STK4: variants seen among roughly 807,000 people sequenced by gnomAD.
STK4 encodes serine/threonine kinase 4.
Under a neutral mutation model 64.9 loss-of-function variants are expected in STK4, and 30 were observed. The observed-to-expected ratio is 0.46, with a 90% CI of 0.35 to 0.63. STK4 has a LOEUF of 0.63. Ranked by LOEUF, STK4 falls within the 20% of genes least tolerant of loss-of-function variation. STK4 has a pLI of 0.01. For synonymous variants in STK4, 177 were observed against 199.0 expected (o/e 0.89, Z 0.93); for missense variants, 466 against 598.5 (o/e 0.78, Z 2.31).
chr20:44,991,393 C>T (rs968031471), intron 5 of STK4, among the ~76,000 whole-genome samples: 1 of 152,164 alleles, frequency 6.6e-6, no homozygotes. Context: ...GAATCTAGGT[C>T]AGAAAATATG....
At position 45,047,538 on chromosome 20, in the gene STK4, T is replaced by G. The variant is rs567035713; in HGVS notation, c.1305+22408T>G. Among the ~76,000 whole-genome samples the G allele has an allele frequency of 6.6e-5, 10 of 152,342 alleles. No individual in the cohort carries two copies. The South Asian group carries it at 2.1e-3, about 32-fold the overall frequency. On this transcript the variant is annotated intron_variant, in intron 10 of 10. Coordinates refer to ENST00000372806, the MANE Select transcript of STK4 (RefSeq NM_006282.5). ...CCCATTGTGCACTCTTTGGAAATCT[T>G]TTTAAATTTCTTCAGATTTTCTTTT... is the stretch of plus-strand genomic sequence containing the variant.
intron 10 of STK4, among the ~76,000 whole-genome samples, chr20:45,028,958 A>G (rs1481682338): frequency 6.6e-6 from 1 of 152,194 alleles, no homozygotes; most frequent in Non-Finnish European, 1.5e-5. Flanking sequence ...CACAGTGACC[A>G]GGTTAGCACA....
chr20:44,971,576 ACAT>A (rs1037529486), intron 1 of STK4, among the ~76,000 whole-genome samples: 4 of 152,054 alleles, frequency 2.6e-5, no homozygotes, highest in Non-Finnish European at 5.9e-5. Context: ...AGAGATAATT[ACAT>A]CATTTTAATT....
chr20:45,008,315 A>G (rs2067986659), intron 9 of STK4, among the ~76,000 whole-genome samples: 1 of 152,196 alleles, frequency 6.6e-6, no homozygotes, highest in African/African-American at 2.4e-5. Flanking sequence ...ATGGCCTCCC[A>G]AAGTGCTGGG....
intron 10 of STK4, among the ~76,000 whole-genome samples, chr20:45,069,325 C>T (rs559537284): frequency 5.3e-5 from 8 of 152,320 alleles, no homozygotes; most frequent in African/African-American, 1.9e-4. Flanking sequence ...GCAAAACCCA[C>T]CTTCAGTAGC....
At chr20:44,973,366 C>CAA (rs1168575388) in intron 2 of STK4, 1 of 152,036 alleles carries the variant, frequency 6.6e-6, no homozygotes, top group Non-Finnish European at 1.5e-5. Flanking sequence ...AATGACACAC[C>CAA]AGCTGTGCTG....
At chr20:45,056,278 C>T (rs1172192250) in intron 10 of STK4, among the ~76,000 whole-genome samples, 2 of 152,162 alleles carry the variant, frequency 1.3e-5, no homozygotes, top group Admixed American at 6.5e-5. Context: ...CATCAAGTTC[C>T]CTTATGCCCT....
intron 5 of STK4, 97 bp from the exon 6 acceptor site, chr20:44,994,993 T>G (rs1601225088): frequency 1.9e-5 from 12 of 635,506 alleles, no homozygotes; most frequent in South Asian, 5.2e-5. Flanking sequence ...TTCTCAGTAG[T>G]TTTTTTTTTT....
chr20:45,022,734 A>G (rs1600490857), intron 9 of STK4, among the ~76,000 whole-genome samples: 1 of 152,356 alleles, frequency 6.6e-6, no homozygotes, highest in South Asian at 2.1e-4. Context: ...TGGATATAAT[A>G]CATTTTAAAA....
At position 45,023,895 on chromosome 20, in the gene STK4, CT is replaced by C. The variant is rs752584355; in HGVS notation, c.1148-1055del. Among the ~76,000 whole-genome samples, 967 of 111,346 alleles carry C rather than the reference CT, an allele frequency of 8.7e-3. 2 individuals are homozygous for C. Among genetic ancestry groups the C allele is most frequent in the African/African-American group, 0.021 (570 of 26,860 alleles). 73.0% of individuals were successfully genotyped at this position (111,346 alleles called of 152,430 possible). On this transcript the variant is annotated intron_variant, in intron 9 of 10. Coordinates refer to ENST00000372806, the MANE Select transcript of STK4 (RefSeq NM_006282.5). ...TTTTATACCTGTTCAATACTAACTT[CT>C]TTTTTTTTTTTTTTTTTTTTTTGAG...
chr20:44,997,697 G>A (rs1395529412), intron 7 of STK4, among the ~76,000 whole-genome samples: 7 of 152,158 alleles, frequency 4.6e-5, no homozygotes, highest in Non-Finnish European at 1.5e-5. Flanking sequence ...ACGCTATCTC[G>A]AAAAACAAAG....
chr20:44,981,391 G>A (rs2067436366), intron 3 of STK4, among the ~76,000 whole-genome samples: 1 of 151,786 alleles, frequency 6.6e-6, no homozygotes, highest in South Asian at 2.1e-4. Context: ...CTGAGCTCAG[G>A]CAATCCGCCC....
chr20:45,072,971 C>T (rs572004615), intron 10 of STK4, among the ~76,000 whole-genome samples: 10 of 152,254 alleles, frequency 6.6e-5, no homozygotes, highest in African/African-American at 2.4e-4. Context: ...TAGTACCGCC[C>T]CAGGGTGGAG....
In STK4 at chr20:44,997,269, G is replaced by T. The variant is rs766646031; in HGVS notation, c.794G>T (p.Ser265Ile). ...TDFVKQCLVKSPEQRATATQL... is the reference protein window; with the variant it reads ...TDFVKQCLVKIPEQRATATQL... ...TTTGTGAAACAGTGTCTTGTAAAGAGCCCTGAGCAGAGGGCCACAGCCACT... is the reference window on the plus strand; with the variant it reads ...TTTGTGAAACAGTGTCTTGTAAAGATCCCTGAGCAGAGGGCCACAGCCACT... The change falls in exon 7 of 11, where the codon AGC becomes ATC. Residue 265 changes from serine to isoleucine, a missense_variant. Physicochemically the swap from Ser to Ile is moderately radical, Grantham distance 142. Transcript: ENST00000372806. The T allele has an allele frequency of 2.5e-6, 4 of 1,612,296 alleles. No individual in the cohort carries two copies. Among genetic ancestry groups the T allele is most frequent in the Non-Finnish European group, 2.5e-6 (3 of 1,179,308 alleles).
chr20:44,979,555 C>T (rs1203294322), intron 3 of STK4, among the ~76,000 whole-genome samples: 2 of 152,126 alleles, frequency 1.3e-5, no homozygotes, highest in African/African-American at 4.8e-5. Flanking sequence ...AGGGGCAATG[C>T]CAGCTCTAGG....
In STK4 at chr20:45,076,545, A is replaced by T. The variant is rs1278310580; in HGVS notation, c.*1369A>T. 2.6e-5 allele frequency: 4 copies of T among 152,130 alleles called. No individual in the cohort carries two copies. The highest frequency in any genetic ancestry group is 2.6e-4 in the Admixed American group (4 of 15,266). 9.4% of individuals were successfully genotyped at this position (152,130 alleles called of 1,614,324 possible). ...CAGTAGATGACCTGGCTGTAAAGAG[A>T]TTCCCTGGACGAGCCAGATCATTCA... On this transcript the variant is annotated 3_prime_UTR_variant, in exon 11 of 11. Coordinates refer to ENST00000372806, the MANE Select transcript of STK4 (RefSeq NM_006282.5). The surrounding 1 kb of genome is among the most constrained non-coding windows in gnomAD (Gnocchi z 4.0).
intron 10 of STK4, among the ~76,000 whole-genome samples, chr20:45,038,804 A>C (rs1389204594): frequency 6.6e-6 from 1 of 152,108 alleles, no homozygotes; most frequent in East Asian, 1.9e-4. Context: ...TTACTTAAAA[A>C]AAAAGCTAAT....
At position 45,071,946 on chromosome 20, in the gene STK4, G is replaced by A. The variant is rs74842034; in HGVS notation, c.1306-3072G>A. Among the ~76,000 whole-genome samples, 597 of 151,728 alleles carry A rather than the reference G, an allele frequency of 3.9e-3. 1 individual carries two copies. The highest frequency in any genetic ancestry group is 0.013 in the African/African-American group (556 of 41,338). ...ACACCTGGCTAATTTTTTTTCCCCCGTAGAGATGGGATTTCACTATTTGCC... is the reference window on the plus strand; with the variant it reads ...ACACCTGGCTAATTTTTTTTCCCCCATAGAGATGGGATTTCACTATTTGCC... On this transcript the variant is annotated intron_variant, in intron 10 of 10. Transcript: ENST00000372806.
At chr20:45,024,736 G>C (rs1188860305) in intron 9 of STK4, among the ~76,000 whole-genome samples, 2 of 152,068 alleles carry the variant, frequency 1.3e-5, no homozygotes, top group South Asian at 2.1e-4. Context: ...GGGACCCCAG[G>C]GAAATTTCTG....
Sources: allele counts gnomAD v4.1 joint callset (sites outside exome capture counted in the v4.1 genomes callset), GRCh38; gene constraint gnomAD v4.1.1; non-coding constraint Gnocchi (gnomAD v3.1); transcripts MANE v1.5; gene names NCBI Gene and HGNC (gene_info 2026-07-23, HGNC 2026-07-21).